The following CSMD3 variants were observed in gnomAD, a reference collection of about 807,000 sequenced individuals.
CSMD3 encodes the protein CUB and Sushi multiple domains 3.
Under a neutral mutation model 435.2 loss-of-function variants are expected in CSMD3, and 177 were observed. The ratio of observed to expected loss-of-function variants is 0.41; its 90% confidence interval spans 0.36 to 0.46. The LOEUF (loss-of-function observed/expected upper bound fraction) is 0.46, where lower values mean the gene tolerates loss of function less well. Ranked by LOEUF, CSMD3 falls within the 20% of genes least tolerant of loss-of-function variation. The pLI, the probability that CSMD3 is intolerant of heterozygous loss-of-function variation, is 0.34. For missense variants in CSMD3, 4,265 were observed against 4,504.6 expected (o/e 0.95, Z 1.52); for synonymous variants, 1,656 against 1,520.5 (o/e 1.09, Z -2.07).
intron 5 of CSMD3, among the ~76,000 whole-genome samples, chr8:113,041,142 G>T (rs1415301851): frequency 6.7e-6 from 1 of 149,438 alleles, no homozygotes; most frequent in Non-Finnish European, 1.5e-5. Context: ...GGAAGCAGAG[G>T]TTGCGGTGAG....
chr8:112,557,870 T>C lies in CSMD3; in HGVS notation c.4043-916A>G, dbSNP rs543399368. ...ATTATCAAACTCAAGGAGGAAGTTA[T>C]GGGAAACCCCAATTTATAGCTCGTC... is the stretch of plus-strand genomic sequence containing the variant. On this transcript the variant is annotated intron_variant, in intron 24 of 70. Transcript: ENST00000297405. Among the ~76,000 whole-genome samples, 4 of 152,056 alleles carry C rather than the reference T, an allele frequency of 2.6e-5. No individual in the cohort carries two copies. In the East Asian group the frequency reaches 7.8e-4, roughly 30 times the overall value.
intron 51 of CSMD3, among the ~76,000 whole-genome samples, chr8:112,305,745 T>C (rs1030869647): frequency 6.6e-6 from 1 of 152,106 alleles, no homozygotes; most frequent in Non-Finnish European, 1.5e-5. Flanking sequence ...AGGATGACTT[T>C]TTACAAAATA....
rs181286947 is a variant in CSMD3, at chr8:112,675,654, C to G, written c.2677+6788G>C. Among the ~76,000 whole-genome samples, 14 of 152,152 alleles carry G rather than the reference C, an allele frequency of 9.2e-5. No individual in the cohort carries two copies. The East Asian group carries it at 2.1e-3, about 23-fold the overall frequency. On this transcript the variant is annotated intron_variant, in intron 16 of 70. Coordinates refer to ENST00000297405, the MANE Select transcript of CSMD3 (RefSeq NM_198123.2). ...AGGTGGACTGAACAACAAGCTATTTCTAATTTGAACTACAAATTTCAGTAT... is the reference window on the plus strand; with the variant it reads ...AGGTGGACTGAACAACAAGCTATTTGTAATTTGAACTACAAATTTCAGTAT...
intron 4 of CSMD3, among the ~76,000 whole-genome samples, chr8:113,106,350 T>C (rs2090476826): frequency 6.6e-6 from 1 of 151,690 alleles, no homozygotes; most frequent in Non-Finnish European, 1.5e-5. Flanking sequence ...TCAATGGGCC[T>C]CATAGAAGAG....
intron 13 of CSMD3, among the ~76,000 whole-genome samples, chr8:112,790,380 A>T (rs183652631): frequency 6.6e-6 from 1 of 152,136 alleles, no homozygotes; most frequent in Non-Finnish European, 1.5e-5. Context: ...AAAAAAAATC[A>T]TATATATGGA....
chr8:112,733,254 G>A (rs371750070), intron 13 of CSMD3, among the ~76,000 whole-genome samples: 4 of 152,056 alleles, frequency 2.6e-5, no homozygotes, highest in East Asian at 3.9e-4. Flanking sequence ...TAATCACCAC[G>A]CTAGACGAAT....
At chr8:112,810,326 AT>A (rs2079190637) in intron 12 of CSMD3, among the ~76,000 whole-genome samples, 1 of 151,958 alleles carries the variant, frequency 6.6e-6, no homozygotes, top group African/African-American at 2.4e-5. Context: ...GGCACACACA[AT>A]TTTTTAACTG....
intron 22 of CSMD3, among the ~76,000 whole-genome samples, chr8:112,628,864 A>C (rs1723315838): frequency 6.6e-6 from 1 of 152,158 alleles, no homozygotes; most frequent in Non-Finnish European, 1.5e-5. Flanking sequence ...TGAAGGGATT[A>C]GGCCAAATTA....
At chr8:113,222,114 C>A (rs149060276) in intron 3 of CSMD3, among the ~76,000 whole-genome samples, 26 of 151,188 alleles carry the variant, frequency 1.7e-4, no homozygotes, top group African/African-American at 5.3e-4. Flanking sequence ...GATTACTGTT[C>A]CTAAAGATTT....
intron 3 of CSMD3, among the ~76,000 whole-genome samples, chr8:113,278,086 A>T (rs2132455172): frequency 1.3e-5 from 2 of 152,088 alleles, no homozygotes; most frequent in Admixed American, 1.3e-4. Flanking sequence ...GGAAAAAGAA[A>T]AAACACAACC....
chr8:113,359,295 T>C (rs1411748589), intron 1 of CSMD3, among the ~76,000 whole-genome samples: 3 of 152,170 alleles, frequency 2.0e-5, no homozygotes, highest in African/African-American at 7.2e-5. Context: ...ACATCCCAAG[T>C]AGGCTTCAAG....
At chr8:112,813,955 C>G (rs1238827442) in intron 12 of CSMD3, among the ~76,000 whole-genome samples, 2 of 152,230 alleles carry the variant, frequency 1.3e-5, no homozygotes, top group South Asian at 4.1e-4. Context: ...AGGCTTCGCC[C>G]CGTCCTCCCA....
At chr8:113,015,721 C>T (rs2086430793) in intron 6 of CSMD3, among the ~76,000 whole-genome samples, 1 of 151,730 alleles carries the variant, frequency 6.6e-6, no homozygotes, top group South Asian at 2.1e-4. Context: ...TTAAAATCTT[C>T]TATAGGTAAG....
chr8:112,313,374 A>G (rs1822163529), intron 49 of CSMD3, among the ~76,000 whole-genome samples: 1 of 152,158 alleles, frequency 6.6e-6, no homozygotes, highest in African/African-American at 2.4e-5. Context: ...AGCAAGTATC[A>G]CAAATAGATG....
chr8:113,065,174 T>C (rs561969469), intron 5 of CSMD3, among the ~76,000 whole-genome samples: 8 of 152,306 alleles, frequency 5.3e-5, no homozygotes, highest in African/African-American at 1.9e-4. Context: ...TATATTATTT[T>C]GCAATAAATA....
intron 1 of CSMD3, among the ~76,000 whole-genome samples, chr8:113,316,704 C>T (rs2093913080): frequency 6.6e-6 from 1 of 152,018 alleles, no homozygotes; most frequent in Admixed American, 6.6e-5. Flanking sequence ...CATACGCCAC[C>T]ACGCCCAGCT....
rs77098757 is a variant in CSMD3, at chr8:112,721,126, A to C, written c.1973-31076T>G. Among the ~76,000 whole-genome samples the C allele has an allele frequency of 4.8e-3, 729 of 151,744 alleles. 10 individuals carry two copies. The highest frequency in any genetic ancestry group is 0.017 in the African/African-American group (704 of 41,364). ...ATCAATAGCTCAATGCCTTACCTGT[A>C]GTAGATCTCACAAGTATCAATTACA... On this transcript the variant is annotated intron_variant, in intron 13 of 70. Transcript: ENST00000297405.
At chr8:113,092,404 A>T (rs1022512116) in intron 5 of CSMD3, among the ~76,000 whole-genome samples, 1 of 152,088 alleles carries the variant, frequency 6.6e-6, no homozygotes, top group East Asian at 1.9e-4. Flanking sequence ...TGTATCAGAG[A>T]TTGCTAGTTA....
intron 5 of CSMD3, among the ~76,000 whole-genome samples, chr8:113,063,152 A>G (rs1382303840): frequency 6.6e-6 from 1 of 151,586 alleles, no homozygotes; most frequent in African/African-American, 2.4e-5. Context: ...CTGGTAAAGC[A>G]TCCAGCTAGA....
Sources: allele counts gnomAD v4.1 joint callset (sites outside exome capture counted in the v4.1 genomes callset), GRCh38; gene constraint gnomAD v4.1.1; transcripts MANE v1.5; gene names NCBI Gene and HGNC (gene_info 2026-07-23, HGNC 2026-07-21).